The following UTY variants were observed in gnomAD, a reference collection of about 807,000 sequenced individuals.
The protein encoded by UTY is histone demethylase UTY.
A neutral mutation model predicts 32.5 loss-of-function variants in UTY; 12 were observed. The observed-to-expected ratio is 0.37, with a 90% CI of 0.24 to 0.60. The LOEUF (loss-of-function observed/expected upper bound fraction) is 0.60. Among genes scored for constraint, UTY ranks in the 20% least tolerant of loss-of-function variants. UTY has a pLI of 0.69. For synonymous variants in UTY, 131 were observed against 103.4 expected, an observed-to-expected ratio of 1.27 and a Z score of -1.62; for missense variants, 303 against 299.2, an observed-to-expected ratio of 1.01 and a Z score of -0.09.
chrY:13,464,309 G>C, intron 3 of UTY, among the ~76,000 whole-genome samples: 1 of 33,321 alleles, frequency 3.0e-5, no homozygotes, highest in East Asian at 7.8e-4. Context: ...ACCTGCTCAG[G>C]GCAGCAATAA....
intron 8 of UTY, among the ~76,000 whole-genome samples, chrY:13,370,742 T>C (rs2064822794): frequency 6.1e-5 from 2 of 32,821 alleles, no homozygotes; most frequent in Non-Finnish European, 1.5e-4. Flanking sequence ...ATGTATCACT[T>C]TTTCATGATT....
At position 13,262,487 on chromosome Y, in the gene UTY, T is replaced by TA. The variant is rs2055348815; in HGVS notation, c.4011-2084dup. On this transcript the variant is annotated intron_variant, in intron 27 of 29. Coordinates refer to ENST00000545955, the MANE Select transcript of UTY (RefSeq NM_001258249.2). Reference sequence around the variant, plus strand: ...CCACCCTGTGCCATTGTCATGAAGATAAAATCCTTGGGGCTAAAACAACAT... The same window carrying TA: ...CCACCCTGTGCCATTGTCATGAAGATAAAAATCCTTGGGGCTAAAACAACAT... 2.5e-4 allele frequency among the ~76,000 whole-genome samples: 8 copies of TA among 31,800 alleles called. No homozygotes were observed. In the East Asian group the frequency reaches 6.4e-3, roughly 26 times the overall value. The allele number at this position is 31,800 out of a possible 37,273, so 85.3% of individuals were successfully genotyped here. A position where few individuals can be genotyped will look rare whatever the true frequency, so the allele number is the denominator to read the frequency against.
At chrY:13,236,167 C>T (rs2053849353) in intron 28 of UTY, among the ~76,000 whole-genome samples, 1 of 31,818 alleles carries the variant, frequency 3.1e-5, no homozygotes, top group Non-Finnish European at 7.6e-5. Context: ...GAAGAAAAAT[C>T]GATGAAATGT....
intron 28 of UTY, 93 bp from the exon 29 acceptor site, chrY:13,251,280 A>T: frequency 5.3e-6 from 1 of 190,029 alleles, no homozygotes; most frequent in Non-Finnish European, 7.9e-6. Context: ...CTTCACATGG[A>T]ACTGGACAAT....
chrY:13,267,786 CTGGATATGAAATTCTG>C (rs2055951175), intron 27 of UTY, among the ~76,000 whole-genome samples: 2 of 33,031 alleles, frequency 6.1e-5, no homozygotes, highest in Admixed American at 5.5e-4. Flanking sequence ...CTTAGTTTGG[CTGGATATGAAATTCTG>C]TGGATATGAA....
At chrY:13,387,968 A>G (rs556313716) in intron 8 of UTY, among the ~76,000 whole-genome samples, 1 of 34,129 alleles carries the variant, frequency 2.9e-5, no homozygotes, top group African/African-American at 1.1e-4. Flanking sequence ...TAGTTCTAAA[A>G]TATCTTCTAT....
chrY:13,252,128 C>T (rs1603234267), intron 28 of UTY, among the ~76,000 whole-genome samples: 3 of 23,332 alleles, frequency 1.3e-4, no homozygotes, highest in African/African-American at 3.5e-4. Flanking sequence ...TGCAGTGAGC[C>T]GAGATCCCGC....
chrY:13,313,556 A>G (rs945581149), intron 21 of UTY, among the ~76,000 whole-genome samples: 4 of 33,885 alleles, frequency 1.2e-4, no homozygotes, highest in African/African-American at 3.5e-4. Context: ...CCCCTCGGTT[A>G]TAAATTAGAA....
At chrY:13,254,368 G>A (rs780243556) in intron 28 of UTY, among the ~76,000 whole-genome samples, 1 of 33,295 alleles carries the variant, frequency 3.0e-5, no homozygotes, top group South Asian at 6.8e-4. Context: ...GCTGCCAGAC[G>A]GGAAAAAAGA....
chrY:13,405,123 A>G, intron 6 of UTY, among the ~76,000 whole-genome samples: 1 of 33,067 alleles, frequency 3.0e-5, no homozygotes. Flanking sequence ...ATTTAAAAAA[A>G]AGAAAGTATC....
At chrY:13,476,791 T>TA (rs2079110594) in intron 2 of UTY, among the ~76,000 whole-genome samples, 1 of 31,423 alleles carries the variant, frequency 3.2e-5, no homozygotes, top group Non-Finnish European at 7.7e-5. Flanking sequence ...AATCTATTGT[T>TA]ACAACCATCC....
At chrY:13,461,720 C>T in intron 3 of UTY, among the ~76,000 whole-genome samples, 1 of 33,846 alleles carries the variant, frequency 3.0e-5, no homozygotes, top group African/African-American at 1.2e-4. Context: ...AGAGATTCTC[C>T]TGTCTCAATG....
intron 27 of UTY, among the ~76,000 whole-genome samples, chrY:13,275,180 T>A: frequency 3.0e-5 from 1 of 33,588 alleles, no homozygotes; most frequent in African/African-American, 1.2e-4. Context: ...AAATACAATA[T>A]CTGGGGGAAA....
intron 28 of UTY, among the ~76,000 whole-genome samples, chrY:13,236,328 TAAAAG>T (rs372564436): frequency 0.15 from 4,822 of 31,790 alleles, no homozygotes; most frequent in African/African-American, 0.59. Flanking sequence ...TTCTGTAACT[TAAAAG>T]AAACAATTCT....
At chrY:13,413,919 T>C in intron 5 of UTY, among the ~76,000 whole-genome samples, 1 of 34,249 alleles carries the variant, frequency 2.9e-5, no homozygotes, top group Non-Finnish European at 7.3e-5. Flanking sequence ...GCAGAGCCAG[T>C]CCAGCCATCA....
intron 27 of UTY, among the ~76,000 whole-genome samples, chrY:13,282,840 T>C (rs751381681): frequency 2.9e-5 from 1 of 34,481 alleles, no homozygotes; most frequent in South Asian, 6.4e-4. Context: ...CCCTTAGGCC[T>C]GCCCTGCGGA....
chrY:13,380,029 ATGTGTGTGTGTGTGTGTG>A (rs1569486958), intron 8 of UTY, among the ~76,000 whole-genome samples: 1 of 5,142 alleles, frequency 1.9e-4, no homozygotes, highest in African/African-American at 1.1e-3. Flanking sequence ...ATATATATAG[ATGTGTGTGTGTGTGTGTG>A]TGTGTGTGTG....
chrY:13,311,885 T>C (rs1210136168), intron 21 of UTY, among the ~76,000 whole-genome samples: 2 of 33,257 alleles, frequency 6.0e-5, no homozygotes, highest in East Asian at 1.6e-3. Context: ...CCAATTCAGG[T>C]ATGGAGCTTC....
At chrY:13,239,990 A>G in intron 28 of UTY, among the ~76,000 whole-genome samples, 7 of 33,713 alleles carry the variant, frequency 2.1e-4, no homozygotes, top group Non-Finnish European at 5.2e-4. Context: ...GGAAAGAAAT[A>G]GGAATACACA....
Sources: allele counts gnomAD v4.1 joint callset (sites outside exome capture counted in the v4.1 genomes callset), GRCh38; gene constraint gnomAD v4.1.1; transcripts MANE v1.5; gene names NCBI Gene and HGNC (gene_info 2026-07-23, HGNC 2026-07-21).